The following GDAP1L1 variants were observed in gnomAD, a reference collection of about 807,000 sequenced individuals.
GDAP1L1 encodes ganglioside induced differentiation associated protein 1 like 1, also known as ganglioside-induced differentiation-associated protein 1-like 1.
In GDAP1L1, 21 loss-of-function variants were observed where a neutral mutation model predicts 37.1. The observed-to-expected ratio is 0.57, with a 90% confidence interval of 0.40 to 0.81. The LOEUF is 0.81. Ranked by LOEUF, GDAP1L1 falls within the 40% of genes least tolerant of loss-of-function variation. GDAP1L1 has a pLI of 0.00. For missense variants in GDAP1L1, 362 were observed against 491.6 expected (o/e 0.74, Z 2.49); for synonymous variants, 193 against 209.1 (o/e 0.92, Z 0.67).
At chr20:44,249,003 G>A (rs867415107) in intron 1 of GDAP1L1, among the ~76,000 whole-genome samples, 8 of 152,088 alleles carry the variant, frequency 5.3e-5, no homozygotes, top group African/African-American at 1.7e-4. Flanking sequence ...AGTGCCTGGC[G>A]AGAGGTCAAG....
chr20:44,252,130 A>G (rs2073456479), intron 1 of GDAP1L1, among the ~76,000 whole-genome samples: 1 of 152,236 alleles, frequency 6.6e-6, no homozygotes, highest in Non-Finnish European at 1.5e-5. Flanking sequence ...ATTACTGAAA[A>G]TAAACATGTA....
At chr20:44,247,732 G>A (rs1372322049) in intron 1 of GDAP1L1, among the ~76,000 whole-genome samples, 7 of 146,164 alleles carry the variant, frequency 4.8e-5, no homozygotes, top group Non-Finnish European at 7.5e-5. Context: ...TCAATTTTAG[G>A]AGCATCCATT....
intron 3 of GDAP1L1, among the ~76,000 whole-genome samples, chr20:44,260,277 G>T: frequency 7.4e-6 from 1 of 135,182 alleles, no homozygotes; most frequent in Non-Finnish European, 1.5e-5. Flanking sequence ...GTAGAAAAAA[G>T]TGAAGGGCAA....
chr20:44,270,263 C>T (rs375341477), intron 5 of GDAP1L1, among the ~76,000 whole-genome samples: 6 of 148,526 alleles, frequency 4.0e-5, no homozygotes, highest in African/African-American at 9.9e-5. Flanking sequence ...CTCCGCCTCC[C>T]GGGTTCATGC....
At chr20:44,267,167 G>A (rs1362940330) in intron 5 of GDAP1L1, among the ~76,000 whole-genome samples, 2 of 152,182 alleles carry the variant, frequency 1.3e-5, no homozygotes, top group Admixed American at 6.5e-5. Flanking sequence ...CTGTGTGTCA[G>A]GCCCTGTTCT....
chr20:44,255,768 C>T (rs1310520156), intron 1 of GDAP1L1, among the ~76,000 whole-genome samples: 2 of 152,156 alleles, frequency 1.3e-5, no homozygotes, highest in Non-Finnish European at 2.9e-5. Flanking sequence ...TGGGGATACC[C>T]TCCCTCTCCC....
intron 1 of GDAP1L1, among the ~76,000 whole-genome samples, chr20:44,248,132 C>T (rs1300194351): frequency 1.3e-5 from 2 of 152,234 alleles, no homozygotes; most frequent in African/African-American, 4.8e-5. Flanking sequence ...CTCAGCCCAT[C>T]AGGTCTGTTT....
rs1050179545 is a variant in GDAP1L1, at chr20:44,258,672, A to C, written c.547+65A>C. ...CCTTTGCGCCGCTCCTTTCTTCCAA[A>C]GGATGTCCTCCCTCTCCTGGGCCTC... On this transcript the variant is annotated intron_variant, in intron 3 of 5. Transcript: ENST00000342560. The C allele has an allele frequency of 7.4e-6, 9 of 1,220,520 alleles. No homozygotes were observed. In the African/African-American group the frequency reaches 1.0e-4, roughly 14 times the overall value. The allele number at this position is 1,220,520 out of a possible 1,614,324, so 75.6% of individuals were successfully genotyped here.
intron 5 of GDAP1L1, among the ~76,000 whole-genome samples, chr20:44,273,726 C>G (rs111606449): frequency 2.3e-4 from 35 of 152,100 alleles, no homozygotes; most frequent in Non-Finnish European, 4.1e-4. Context: ...CTGCCCCAAG[C>G]CTCCCCCCTT....
At chr20:44,258,240 AGCTTG>A (rs1440044902) in intron 2 of GDAP1L1, 189 bp from the exon 3 acceptor site, 5 of 723,444 alleles carry the variant, frequency 6.9e-6, no homozygotes, top group Non-Finnish European at 1.0e-5. Flanking sequence ...CCTCGGGGAC[AGCTTG>A]GCAGAGCCCA....
intron 5 of GDAP1L1, among the ~76,000 whole-genome samples, chr20:44,268,275 T>C (rs2062476805): frequency 6.6e-6 from 1 of 152,214 alleles, no homozygotes; most frequent in African/African-American, 2.4e-5. Context: ...CTGCAAAATG[T>C]TGATAGTAAT....
intron 5 of GDAP1L1, among the ~76,000 whole-genome samples, chr20:44,275,525 G>T (rs80322325): frequency 0.028 from 4,223 of 152,264 alleles, 185 homozygotes; most frequent in African/African-American, 0.097. Flanking sequence ...AGGGAGAGGG[G>T]AGAGCATTCC....
chr20:44,251,320 TG>T, intron 1 of GDAP1L1, among the ~76,000 whole-genome samples: 1 of 152,282 alleles, frequency 6.6e-6, no homozygotes, highest in African/African-American at 2.4e-5. Context: ...GCAGCAAGCC[TG>T]GTTCATGGTT....
Position 44,279,883 on chromosome 20 carries a change from C to T in GDAP1L1, c.*583C>T. ...CTAGCTTGAGCCAAGGCAGTGGCAC[C>T]CAAAAACCAGGCTGCAGTGGGGACG... On this transcript the variant is annotated 3_prime_UTR_variant, in exon 6 of 6. Coordinates refer to ENST00000342560, the MANE Select transcript of GDAP1L1 (RefSeq NM_024034.6). 2.3e-6 allele frequency: 1 copy of T among 429,264 alleles called. No individual in the cohort carries two copies. The highest frequency in any genetic ancestry group is 4.8e-6 in the Non-Finnish European group (1 of 210,324). 26.6% of individuals were successfully genotyped at this position (429,264 alleles called of 1,614,324 possible).
intron 5 of GDAP1L1, among the ~76,000 whole-genome samples, chr20:44,268,031 C>G (rs1477496293): frequency 6.6e-6 from 1 of 152,254 alleles, no homozygotes; most frequent in Non-Finnish European, 1.5e-5. Flanking sequence ...AAAGGTCTGA[C>G]TGGCTGGGCC....
intron 3 of GDAP1L1, 79 bp downstream of exon 3, chr20:44,258,686 C>T: frequency 9.8e-7 from 1 of 1,016,296 alleles, no homozygotes; most frequent in Non-Finnish European, 1.5e-6. Context: ...TGTCCTCCCT[C>T]TCCTGGGCCT....
At chr20:44,265,427 A>G (rs1376008149) in intron 5 of GDAP1L1, 2 of 985,336 alleles carry the variant, frequency 2.0e-6, no homozygotes, top group Non-Finnish European at 2.4e-6. Flanking sequence ...TCTCCTGAAC[A>G]ATGCAAATTT....
At chr20:44,256,473 C>A (rs1275937303) in intron 1 of GDAP1L1, among the ~76,000 whole-genome samples, 1 of 152,060 alleles carries the variant, frequency 6.6e-6, no homozygotes. Context: ...AGTTGAAGAC[C>A]AGCCTGACCA....
At chr20:44,277,506 G>T (rs1474317323) in intron 5 of GDAP1L1, among the ~76,000 whole-genome samples, 3 of 152,212 alleles carry the variant, frequency 2.0e-5, no homozygotes, top group South Asian at 2.1e-4. Flanking sequence ...GGTCTGAAAG[G>T]TACCTGGGGG....
Sources: gnomAD v4.1 joint callset for allele counts (sites outside exome capture counted in the v4.1 genomes callset) on GRCh38, gnomAD v4.1.1 for gene constraint, MANE v1.5 for transcripts, NCBI Gene and HGNC (gene_info 2026-07-23, HGNC 2026-07-21) for gene names.